The following XKR6 variants were observed in gnomAD, a reference collection of about 807,000 sequenced individuals.
XKR6 encodes XK related 6.
In XKR6, 22 loss-of-function variants were observed where a neutral mutation model predicts 56.7. That is an observed-to-expected ratio of 0.39 (90% CI 0.28 to 0.55). XKR6 has a LOEUF of 0.55. Among genes scored for constraint, XKR6 ranks in the 20% least tolerant of loss-of-function variants. XKR6 has a pLI of 0.66. For missense variants in XKR6, 852 were observed against 889.0 expected, an observed-to-expected ratio of 0.96 and a Z score of 0.53; for synonymous variants, 524 against 387.8, an observed-to-expected ratio of 1.35 and a Z score of -4.13.
At chr8:11,016,475 G>C (rs926087971) in intron 1 of XKR6, among the ~76,000 whole-genome samples, 1 of 152,208 alleles carries the variant, frequency 6.6e-6, no homozygotes, top group Non-Finnish European at 1.5e-5. Context: ...CAACAAGCTA[G>C]ATCCTGAGCC....
chr8:10,967,654 T>C (rs34959618), intron 1 of XKR6, among the ~76,000 whole-genome samples: 49,830 of 152,150 alleles, frequency 0.33, 8,516 homozygotes, highest in Middle Eastern at 0.37. Context: ...AGGGTTGTCC[T>C]GGAGCAGCAA....
chr8:11,132,856 T>C (rs1800180730), intron 1 of XKR6, among the ~76,000 whole-genome samples: 1 of 111,008 alleles, frequency 9.0e-6, no homozygotes. Flanking sequence ...CTTTGTATGA[T>C]GTGTGAAAAA....
chr8:11,103,115 T>A (rs753915672), intron 1 of XKR6, among the ~76,000 whole-genome samples: 80 of 152,244 alleles, frequency 5.3e-4, no homozygotes, highest in Non-Finnish European at 1.0e-3. Flanking sequence ...GCAGTTTTTT[T>A]AATTTTAGAA....
At chr8:10,971,150 G>A (rs539006547) in intron 1 of XKR6, among the ~76,000 whole-genome samples, 6 of 151,526 alleles carry the variant, frequency 4.0e-5, no homozygotes, top group African/African-American at 1.5e-4. Flanking sequence ...CGCCGGGCAC[G>A]GTGGCTCACG....
At chr8:11,094,653 C>T (rs1798210987) in intron 1 of XKR6, among the ~76,000 whole-genome samples, 2 of 152,096 alleles carry the variant, frequency 1.3e-5, no homozygotes, top group Non-Finnish European at 2.9e-5. Context: ...GGACCGACAT[C>T]GATGGAGTGG....
At chr8:11,197,546 C>A (rs982300362) in intron 1 of XKR6, among the ~76,000 whole-genome samples, 8 of 152,190 alleles carry the variant, frequency 5.3e-5, no homozygotes, top group Non-Finnish European at 5.9e-5. Context: ...TGCCAGTTAT[C>A]CCCACAAAAA....
At chr8:11,024,870 C>G (rs1798826168) in intron 1 of XKR6, among the ~76,000 whole-genome samples, 1 of 152,208 alleles carries the variant, frequency 6.6e-6, no homozygotes, top group African/African-American at 2.4e-5. Context: ...CCTACTCCTC[C>G]CAGAGTTACA....
intron 1 of XKR6, among the ~76,000 whole-genome samples, chr8:11,140,206 G>A (rs1199781390): frequency 6.6e-6 from 1 of 151,622 alleles, no homozygotes; most frequent in Non-Finnish European, 1.5e-5. Context: ...ACCTGAAACA[G>A]ATAACAGGAG....
intron 1 of XKR6, among the ~76,000 whole-genome samples, chr8:11,014,375 A>G (rs1486353182): frequency 6.6e-6 from 1 of 152,186 alleles, no homozygotes; most frequent in African/African-American, 2.4e-5. Flanking sequence ...TTCTAAAGGA[A>G]AACTATTAAC....
At chr8:11,141,906 G>A (rs1032849615) in intron 1 of XKR6, among the ~76,000 whole-genome samples, 4 of 151,584 alleles carry the variant, frequency 2.6e-5, no homozygotes, top group Non-Finnish European at 4.4e-5. Context: ...TGCTGGTGAT[G>A]TTTTCTTTCT....
chr8:11,061,201 C>T (rs1411781176), intron 1 of XKR6, among the ~76,000 whole-genome samples: 4 of 152,334 alleles, frequency 2.6e-5, no homozygotes, highest in East Asian at 1.9e-4. Flanking sequence ...TGGTGGCTCA[C>T]ACCTGTAATC....
At chr8:11,174,850 A>G (rs1802578065) in intron 1 of XKR6, among the ~76,000 whole-genome samples, 3 of 152,166 alleles carry the variant, frequency 2.0e-5, no homozygotes, top group Admixed American at 2.0e-4. Flanking sequence ...GGACCCCTTC[A>G]CCTTTTCAAA....
At chr8:11,145,465 C>T (rs1800933332) in intron 1 of XKR6, among the ~76,000 whole-genome samples, 1 of 152,118 alleles carries the variant, frequency 6.6e-6, no homozygotes, top group South Asian at 2.1e-4. Flanking sequence ...TGATCATCTA[C>T]ACAGAAATTC....
intron 1 of XKR6, chr8:11,111,917 TAAAC>T (rs1164951502): frequency 6.6e-6 from 1 of 152,114 alleles, no homozygotes; most frequent in African/African-American, 2.4e-5. Context: ...GGAAACAAAT[TAAAC>T]AATGTCAAAG....
intron 1 of XKR6, among the ~76,000 whole-genome samples, chr8:10,952,566 A>G (rs1563308459): frequency 6.6e-6 from 1 of 152,050 alleles, no homozygotes; most frequent in Non-Finnish European, 1.5e-5. Flanking sequence ...CAATCCTCCC[A>G]TCTCAGCCTC....
intron 1 of XKR6, among the ~76,000 whole-genome samples, chr8:10,996,941 C>T (rs1239424769): frequency 1.3e-5 from 2 of 152,092 alleles, no homozygotes; most frequent in Non-Finnish European, 2.9e-5. Flanking sequence ...TGCACTCCAG[C>T]CTGGGCAATA....
intron 1 of XKR6, among the ~76,000 whole-genome samples, chr8:11,180,568 G>A (rs773819493): frequency 3.0e-4 from 46 of 152,214 alleles, no homozygotes; most frequent in African/African-American, 9.6e-4. Context: ...ACAGCATGGA[G>A]ACAAATAGTA....
At chr8:11,114,763 G>GTGTGTGTGTC (rs1563146407) in intron 1 of XKR6, among the ~76,000 whole-genome samples, 2 of 139,262 alleles carry the variant, frequency 1.4e-5, no homozygotes, top group African/African-American at 5.6e-5. Context: ...GTGTGTGTGT[G>GTGTGTGTGTC]TGTGTGTGTG....
At chr8:10,994,997 C>G (rs1429673917) in intron 1 of XKR6, among the ~76,000 whole-genome samples, 4 of 152,164 alleles carry the variant, frequency 2.6e-5, no homozygotes, top group Non-Finnish European at 4.4e-5. Flanking sequence ...GAGCTCAAGC[C>G]CTGTGTCACA....
Sources: gnomAD v4.1 joint callset for allele counts (sites outside exome capture counted in the v4.1 genomes callset) on GRCh38, gnomAD v4.1.1 for gene constraint, MANE v1.5 for transcripts, NCBI Gene and HGNC (gene_info 2026-07-23, HGNC 2026-07-21) for gene names.